The following ZMYND15 variants were observed in gnomAD, a reference collection of about 807,000 sequenced individuals.
The protein encoded by ZMYND15 is zinc finger MYND domain-containing protein 15.
A neutral mutation model predicts 81.7 loss-of-function variants in ZMYND15; 54 were observed. The ratio of observed to expected loss-of-function variants is 0.66; its 90% CI spans 0.53 to 0.83. ZMYND15 has a LOEUF of 0.83. Ranked by LOEUF, ZMYND15 falls within the 40% of genes least tolerant of loss-of-function variation. The pLI, the probability that ZMYND15 is intolerant of heterozygous loss-of-function variation, is 0.00. For synonymous variants in ZMYND15, 399 were observed against 387.0 expected (o/e 1.03, Z -0.36); for missense variants, 925 against 973.5 (o/e 0.95, Z 0.66).
rs1307969011 is a variant in ZMYND15 at position 4,742,239 on chromosome 17, C to G, written c.984-92C>G. 10 of 1,553,342 alleles carry G rather than the reference C, an allele frequency of 6.4e-6. No homozygotes were observed. The East Asian group carries it at 2.0e-4, about 32-fold the overall frequency. The stretch of plus-strand genomic sequence containing the variant: ...GTTAGAGGGTGTAAGACAAACAGAC[C>G]GAGTGACATATGGGCAGCTGCTGGG... On this transcript the variant is annotated intron_variant, in intron 4 of 13. Transcript: ENST00000433935.
Position 4,745,337 on chromosome 17 carries a change from C to T in ZMYND15, c.2019C>T (p.Ser673=), listed in dbSNP as rs1303656906. The T allele has an allele frequency of 1.9e-6, 3 of 1,611,068 alleles. No homozygotes were observed. In the South Asian group the frequency reaches 3.3e-5, roughly 18 times the overall value. The part of the protein sequence containing the change: ...TSPPQPNPFR[S]PFRLRAADNC... The stretch of plus-strand genomic sequence containing the variant: ...CTCCCCAGCCCAACCCCTTCCGCTC[C>T]CCCTTTCGCCTCAGAGCGGCCGACA... Residue 673 remains serine (S), a synonymous_variant, in exon 13 of 14, where the codon TCC becomes TCT. Transcript: ENST00000433935. The surrounding 1 kb of genome is among the most constrained non-coding windows in gnomAD (Gnocchi z 5.2).
In ZMYND15 at chr17:4,741,816, G is replaced by T; in HGVS notation, c.827G>T (p.Arg276Leu). 6.4e-7 allele frequency: 1 copy of T among 1,572,628 alleles called. No homozygotes were observed. The highest frequency in any genetic ancestry group is 2.3e-5 in the East Asian group (1 of 44,438). Reference protein sequence around the residue: ...QLTVGDARLHRELESLVPRLG... With the variant: ...QLTVGDARLHLELESLVPRLG... The stretch of plus-strand genomic sequence containing the variant: ...ACTGTGGGAGATGCCCGGCTGCATC[G>T]GTATAGAAATCTGGTATCTGAGGCT... The change falls in exon 3 of 14, where the codon CGA (arginine) becomes CTA (leucine). Residue 276 changes from arginine (R) to leucine (L), a missense_variant and splice_region_variant. Coordinates refer to ENST00000433935, the MANE Select transcript of ZMYND15 (RefSeq NM_001136046.3).
chr17:4,744,757 C>A lies in ZMYND15; in HGVS notation c.1816C>A (p.Pro606Thr). ...AAGGCCCTACCACCTGTTCCAGGGGCCCAAGCCTGACCTGGTTATTGGTAA... is the reference window on the plus strand; with the variant it reads ...AAGGCCCTACCACCTGTTCCAGGGGACCAAGCCTGACCTGGTTATTGGTAA... ...SARPYHLFQG[P>T]KPDLVIGFNS... Residue 606 changes from proline to threonine, a missense_variant, in exon 11 of 14, where the codon CCC becomes ACC. Physicochemically the swap from Pro to Thr is conservative, Grantham distance 38 (BLOSUM62 -1). Coordinates refer to ENST00000433935, the MANE Select transcript of ZMYND15 (RefSeq NM_001136046.3). The surrounding 1 kb of genome is among the most constrained non-coding windows in gnomAD (Gnocchi z 4.1). 6.2e-7 allele frequency: 1 copy of A among 1,614,144 alleles called. No homozygotes were observed. The highest frequency in any genetic ancestry group is 8.5e-7 in the Non-Finnish European group (1 of 1,180,014).
Position 4,740,745 on chromosome 17 carries a change from G to C in ZMYND15, c.197G>C (p.Ser66Thr), listed in dbSNP as rs772162607. ...LWVLHVLPNH[S>T]VGISLGQGAE... ...GTGCTCCATGTCCTGCCCAACCATA[G>C]TGTGGGCATCAGCCTGGGGCAAGGG... is the stretch of plus-strand genomic sequence containing the variant. The change falls in exon 2 of 14, where the codon AGT becomes ACT. Residue 66 changes from serine to threonine, a missense_variant. Transcript: ENST00000433935. The C allele has an allele frequency of 6.2e-7, 1 of 1,605,460 alleles. No individual in the cohort carries two copies. Among genetic ancestry groups the C allele is most frequent in the East Asian group, 2.2e-5 (1 of 44,618 alleles).
In ZMYND15 at chr17:4,745,307, C is replaced by A. The variant is rs1916614498; in HGVS notation, c.1989C>A (p.Thr663=). 1 of 1,613,460 alleles carries A rather than the reference C, an allele frequency of 6.2e-7. No individual in the cohort carries two copies. The highest frequency in any genetic ancestry group is 1.3e-5 in the African/African-American group (1 of 74,886). ...TGGCGGTGGCCACTGGAGGGGGCAC[C>A]AGCCCTCCCCAGCCCAACCCCTTCC... ...QTMAVATGGG[T]SPPQPNPFRS... Residue 663 remains threonine, a synonymous_variant, in exon 13 of 14, where the codon ACC becomes ACA. Coordinates refer to ENST00000433935, the MANE Select transcript of ZMYND15 (RefSeq NM_001136046.3). This position sits in a 1 kb window ranked among gnomAD's most constrained non-coding sequence, Gnocchi z 5.2.
In ZMYND15 at chr17:4,745,388, G is replaced by T; in HGVS notation, c.2057+13G>T. The T allele has an allele frequency of 1.3e-6, 2 of 1,583,206 alleles. No individual in the cohort carries two copies. Among genetic ancestry groups the T allele is most frequent in the South Asian group, 1.1e-5 (1 of 87,030 alleles). Reference sequence around the variant, plus strand: ...ACTGCATGTCCTGGTAAGGGTCTGCGACCCTATTTCCTTCCTGACCCTTAA... The same window carrying T: ...ACTGCATGTCCTGGTAAGGGTCTGCTACCCTATTTCCTTCCTGACCCTTAA... On this transcript the variant is annotated intron_variant, in intron 13 of 13. Transcript: ENST00000433935. The surrounding 1 kb of genome is among the most constrained non-coding windows in gnomAD (Gnocchi z 5.2).
rs771153775 is a variant in ZMYND15, at chr17:4,743,889, G to C, written c.1378+42G>C. On this transcript the variant is annotated intron_variant, in intron 7 of 13. Transcript: ENST00000433935. This position sits in a 1 kb window ranked among gnomAD's most constrained non-coding sequence, Gnocchi z 4.3. ...CTGTGGAAGCTAGGGGTAGGGCCAG[G>C]GACTGGAGAACCAGAGCCTGGGTGG... 2.5e-6 allele frequency: 4 copies of C among 1,608,242 alleles called. No individual in the cohort carries two copies. The South Asian group carries it at 4.4e-5, about 18-fold the overall frequency.
chr17:4,742,421 G>A lies in ZMYND15; in HGVS notation c.1074G>A (p.Trp358Ter), dbSNP rs1204489008. The change falls in exon 5 of 14, where the codon TGG becomes TGA. Residue 358 changes from tryptophan (W) to a stop codon, truncating the protein, a stop_gained. Transcript: ENST00000433935. LOFTEE classifies it high-confidence loss of function. ...CAGATGATGTGAGTCACCGATTTTG[G>A]TGCCCAAGGCTTGCAGCCTTCATGG... is the stretch of plus-strand genomic sequence containing the variant. ...RCPDDVSHRF[W>*]CPRLAAFMER... 2.5e-6 allele frequency: 4 copies of A among 1,614,190 alleles called. No homozygotes were observed. The highest frequency in any genetic ancestry group is 3.4e-6 in the Non-Finnish European group (4 of 1,180,040).
rs1431016718 is a variant in ZMYND15, at chr17:4,741,718, G to A, written c.729G>A (p.Trp243Ter). ...WGSGTKDLAP[W>*]AYALLCHSMA... Reference sequence around the variant, plus strand: ...CAGGGACCAAGGACCTGGCTCCTTGGGCCTATGCTCTCCTCTGTCACAGCA... The same window carrying A: ...CAGGGACCAAGGACCTGGCTCCTTGAGCCTATGCTCTCCTCTGTCACAGCA... Residue 243 changes from tryptophan to a stop codon, truncating the protein, a stop_gained, in exon 3 of 14, where the codon TGG (tryptophan) becomes TGA (stop). Transcript: ENST00000433935. LOFTEE classifies it high-confidence loss of function. 2.4e-5 allele frequency: 38 copies of A among 1,613,368 alleles called. No individual in the cohort carries two copies. Among genetic ancestry groups the A allele is most frequent in the Non-Finnish European group, 3.2e-5 (38 of 1,179,658 alleles).
chr17:4,742,145 C>G, intron 4 of ZMYND15, 75 bp downstream of exon 4: 1 of 1,588,762 alleles, frequency 6.3e-7, no homozygotes, highest in South Asian at 1.1e-5. Flanking sequence ...GTGGGGGGCG[C>G]CTAGCAGACA....
rs755722723 is a variant in ZMYND15 at position 4,740,708 on chromosome 17, C to A, written c.160C>A (p.Pro54Thr). ...CCAGATCAGAAGGCTACCCCAGGACCCTGCCCTTTGGGTGCTCCATGTCCT... is the reference window on the plus strand; with the variant it reads ...CCAGATCAGAAGGCTACCCCAGGACACTGCCCTTTGGGTGCTCCATGTCCT... Reference protein sequence around the residue: ...EAQIRRLPQDPALWVLHVLPN... With the variant: ...EAQIRRLPQDTALWVLHVLPN... The change falls in exon 2 of 14, where the codon CCT (proline) becomes ACT (threonine). Residue 54 changes from proline to threonine, a missense_variant. Transcript: ENST00000433935. The A allele has an allele frequency of 3.7e-6, 6 of 1,613,398 alleles. No individual in the cohort carries two copies. Among genetic ancestry groups the A allele is most frequent in the South Asian group, 2.2e-5 (2 of 91,028 alleles).
chr17:4,740,606 G>C lies in ZMYND15; in HGVS notation c.58G>C (p.Gly20Arg). The change falls in exon 2 of 14, where the codon GGC (glycine) becomes CGC (arginine). Residue 20 changes from glycine to arginine, a missense_variant. Physicochemically the swap from Gly to Arg is moderately radical, Grantham distance 125 (BLOSUM62 -2). Coordinates refer to ENST00000433935, the MANE Select transcript of ZMYND15 (RefSeq NM_001136046.3). ...CCTTGATTTCACTGCCCTTCTCTTC[G>C]GCTGGTTCCGAAAGTTTGTGGCAGA... ...EFLDFTALLF[G>R]WFRKFVAERG... 4 of 1,611,718 alleles carry C rather than the reference G, an allele frequency of 2.5e-6. No homozygotes were observed. Among genetic ancestry groups the C allele is most frequent in the Non-Finnish European group, 3.4e-6 (4 of 1,178,530 alleles).
In ZMYND15 at chr17:4,740,906, G is replaced by A. The variant is rs1407876562; in HGVS notation, c.358G>A (p.Glu120Lys). The A allele has an allele frequency of 6.3e-7, 1 of 1,582,944 alleles. No individual in the cohort carries two copies. Among genetic ancestry groups the A allele is most frequent in the Non-Finnish European group, 8.6e-7 (1 of 1,161,870 alleles). Reference protein sequence around the residue: ...EDGEEGEEEEEEDEEEEKRED... With the variant: ...EDGEEGEEEEKEDEEEEKRED... ...TGGGGAGGAAGGGGAGGAGGAAGAG[G>A]AGGAAGATGAAGAAGAAGAGAAGAG... Residue 120 changes from glutamate to lysine, a missense_variant, in exon 2 of 14, where the codon GAG becomes AAG. Glu to Lys is a moderately conservative substitution (Grantham distance 56). Coordinates refer to ENST00000433935, the MANE Select transcript of ZMYND15 (RefSeq NM_001136046.3).
Position 4,740,565 on chromosome 17 carries a change from G to A in ZMYND15, c.17G>A (p.Gly6Glu). 3 of 1,601,280 alleles carry A rather than the reference G, an allele frequency of 1.9e-6. No individual in the cohort carries two copies. Among genetic ancestry groups the A allele is most frequent in the Non-Finnish European group, 2.6e-6 (3 of 1,171,432 alleles). MEFVS[G>E]YRDEFLDFTA... ...GCTGAAGACATGGAGTTTGTGTCTGGATACCGGGATGAGTTCCTTGATTTC... is the reference window on the plus strand; with the variant it reads ...GCTGAAGACATGGAGTTTGTGTCTGAATACCGGGATGAGTTCCTTGATTTC... Residue 6 changes from glycine to glutamate, a missense_variant, in exon 2 of 14, where the codon GGA becomes GAA. By Grantham distance (98) the Gly-to-Glu change is moderately conservative (BLOSUM62 -2). Coordinates refer to ENST00000433935, the MANE Select transcript of ZMYND15 (RefSeq NM_001136046.3).
In ZMYND15 at chr17:4,744,821, G is replaced by A; in HGVS notation, c.1837+43G>A. 2 of 1,614,108 alleles carry A rather than the reference G, an allele frequency of 1.2e-6. No individual in the cohort carries two copies. The highest frequency in any genetic ancestry group is 1.7e-6 in the Non-Finnish European group (2 of 1,180,010). On this transcript the variant is annotated intron_variant, in intron 11 of 13. Transcript: ENST00000433935. The surrounding 1 kb of genome is among the most constrained non-coding windows in gnomAD (Gnocchi z 4.1). Reference sequence around the variant, plus strand: ...AGGGTTAGGCATGTGGGGAAGGTGGGAGAGAAGCCCACCGTGGGAGCCAGC... The same window carrying A: ...AGGGTTAGGCATGTGGGGAAGGTGGAAGAGAAGCCCACCGTGGGAGCCAGC...
Position 4,743,746 on chromosome 17 carries a change from C to G in ZMYND15, c.1298-21C>G. The G allele has an allele frequency of 6.2e-7, 1 of 1,609,702 alleles. No individual in the cohort carries two copies. The highest frequency in any genetic ancestry group is 8.5e-7 in the Non-Finnish European group (1 of 1,177,948). On this transcript the variant is annotated intron_variant, in intron 6 of 13. Transcript: ENST00000433935. This position sits in a 1 kb window ranked among gnomAD's most constrained non-coding sequence, Gnocchi z 4.3. ...TGGGGGTCTCCCTGACCCCAGGCCCCTCCTTCTTTCATCCTCTCAGGAGAC... is the reference window on the plus strand; with the variant it reads ...TGGGGGTCTCCCTGACCCCAGGCCCGTCCTTCTTTCATCCTCTCAGGAGAC...
chr17:4,745,133 G>C lies in ZMYND15; in HGVS notation c.1897-82G>C, dbSNP rs921777258. The C allele has an allele frequency of 7.5e-6, 12 of 1,607,370 alleles. No individual in the cohort carries two copies. In the African/African-American group the frequency reaches 1.6e-4, roughly 22 times the overall value. ...TCCGCCCGGTCTGTCCGGGGACCTC[G>C]GCTTTCAGCCCGGTCTGTCATTCTG... is the stretch of plus-strand genomic sequence containing the variant. On this transcript the variant is annotated intron_variant, in intron 12 of 13. Transcript: ENST00000433935. The surrounding 1 kb of genome is among the most constrained non-coding windows in gnomAD (Gnocchi z 5.2).
chr17:4,741,729 T>C lies in ZMYND15; in HGVS notation c.740T>C (p.Leu247Pro). The C allele has an allele frequency of 6.2e-7, 1 of 1,612,228 alleles. No homozygotes were observed. The highest frequency in any genetic ancestry group is 8.5e-7 in the Non-Finnish European group (1 of 1,178,912). ...GACCTGGCTCCTTGGGCCTATGCTCTCCTCTGTCACAGCATGGCCTGTCCC... is the reference window on the plus strand; with the variant it reads ...GACCTGGCTCCTTGGGCCTATGCTCCCCTCTGTCACAGCATGGCCTGTCCC... ...TKDLAPWAYA[L>P]LCHSMACPMG... Residue 247 changes from leucine to proline, a missense_variant, in exon 3 of 14, where the codon CTC (leucine) becomes CCC (proline). By Grantham distance (98) the Leu-to-Pro change is moderately conservative. Transcript: ENST00000433935.
Position 4,744,606 on chromosome 17 carries a change from C to G in ZMYND15, c.1684-19C>G, listed in dbSNP as rs553316648. On this transcript the variant is annotated intron_variant, in intron 10 of 13. Transcript: ENST00000433935. The surrounding 1 kb of genome is among the most constrained non-coding windows in gnomAD (Gnocchi z 4.1). ...CTGACTTCCAGTGGCTTTTCCACCC[C>G]ACTCCTGGGGCCCCTCAGGACAGCC... 1 of 1,605,640 alleles carries G rather than the reference C, an allele frequency of 6.2e-7. No homozygotes were observed. The highest frequency in any genetic ancestry group is 2.2e-5 in the East Asian group (1 of 44,754).
Sources: gnomAD v4.1 joint callset for allele counts on GRCh38, gnomAD v4.1.1 for gene constraint, Gnocchi (gnomAD v3.1) non-coding constraint, MANE v1.5 for transcripts, NCBI Gene and HGNC (gene_info 2026-07-23, HGNC 2026-07-21) for gene names.